The following USP25 variants were observed in gnomAD, a reference collection of about 807,000 sequenced individuals.
USP25 encodes ubiquitin carboxyl-terminal hydrolase 25.
A neutral mutation model predicts 158.5 loss-of-function variants in USP25; 85 were observed. That is an observed-to-expected ratio of 0.54 (90% confidence interval 0.45 to 0.64). The LOEUF is 0.64. Among genes scored for constraint, USP25 ranks in the 30% least tolerant of loss-of-function variants. The pLI is 0.00. For synonymous variants in USP25, 464 were observed against 460.4 expected (o/e 1.01, Z -0.10); for missense variants, 1,242 against 1,327.3 (o/e 0.94, Z 1.00).
intron 20 of USP25, among the ~76,000 whole-genome samples, chr21:15,859,715 G>T (rs191656952): frequency 2.0e-5 from 3 of 152,068 alleles, no homozygotes; most frequent in Non-Finnish European, 4.4e-5. Context: ...ATTATTATCT[G>T]TTGGGATACT....
chr21:15,818,743 A>G lies in USP25; in HGVS notation c.977A>G (p.Gln326Arg), dbSNP rs982735382. 6.2e-7 allele frequency: 1 copy of G among 1,613,414 alleles called. No homozygotes were observed. Among genetic ancestry groups the G allele is most frequent in the Non-Finnish European group, 8.5e-7 (1 of 1,179,588 alleles). Residue 326 changes from glutamine (Q) to arginine (R), a missense_variant, in exon 10 of 26, where the codon CAG becomes CGG. Gln to Arg is a conservative substitution (Grantham distance 43). This residue lies in a region of USP25 where 627 missense variants were observed against 701.4 expected (regional missense o/e 0.89). Transcript: ENST00000400183. ...GAAATGTTTGGTCAGTACCCACTTC[A>G]GGTCAATGGGTTCAAAGATCTGCAT... ...NTEMFGQYPL[Q>R]VNGFKDLHEC...
intron 2 of USP25, among the ~76,000 whole-genome samples, chr21:15,763,481 G>A (rs1485318175): frequency 6.6e-6 from 1 of 152,098 alleles, no homozygotes; most frequent in Non-Finnish European, 1.5e-5. Context: ...CAACTAAAAT[G>A]TATCATTTTG....
intron 4 of USP25, among the ~76,000 whole-genome samples, chr21:15,788,707 CT>C (rs1020170123): frequency 2.0e-5 from 3 of 150,726 alleles, no homozygotes; most frequent in African/African-American, 4.9e-5. Flanking sequence ...CACCTACATG[CT>C]TTTTTTTTGC....
At chr21:15,853,226 G>A (rs190035374) in intron 20 of USP25, among the ~76,000 whole-genome samples, 2 of 151,968 alleles carry the variant, frequency 1.3e-5, no homozygotes, top group East Asian at 1.9e-4. Context: ...TCTATTGTGG[G>A]CTTAAAGTTT....
At chr21:15,803,734 T>C (rs866333574) in intron 6 of USP25, among the ~76,000 whole-genome samples, 4 of 151,956 alleles carry the variant, frequency 2.6e-5, no homozygotes, top group Non-Finnish European at 5.9e-5. Flanking sequence ...AAATTAAGGG[T>C]ACTTTTGAAA....
intron 10 of USP25, among the ~76,000 whole-genome samples, chr21:15,819,546 G>A (rs904107114): frequency 6.6e-6 from 1 of 152,152 alleles, no homozygotes; most frequent in Non-Finnish European, 1.5e-5. Context: ...TAAACTCCAT[G>A]AATGTGGCTA....
chr21:15,858,100 G>A (rs1034436928), intron 20 of USP25, among the ~76,000 whole-genome samples: 5 of 151,906 alleles, frequency 3.3e-5, no homozygotes, highest in African/African-American at 9.7e-5. Flanking sequence ...ATTGTAGATC[G>A]TTTGTAATAC....
chr21:15,745,662 G>C (rs2032487765), intron 1 of USP25, among the ~76,000 whole-genome samples: 1 of 151,850 alleles, frequency 6.6e-6, no homozygotes, highest in Non-Finnish European at 1.5e-5. Flanking sequence ...TTTTAGTAGA[G>C]ACAGGGTTTC....
At chr21:15,743,136 G>T (rs985021635) in intron 1 of USP25, among the ~76,000 whole-genome samples, 20 of 152,222 alleles carry the variant, frequency 1.3e-4, no homozygotes, top group Admixed American at 1.0e-3. Flanking sequence ...GCTGCGCATG[G>T]CTTTGTGAAT....
chr21:15,842,964 T>A (rs1166157470), intron 18 of USP25, among the ~76,000 whole-genome samples: 1 of 152,132 alleles, frequency 6.6e-6, no homozygotes, highest in Non-Finnish European at 1.5e-5. Flanking sequence ...AACTACTAGA[T>A]ACTGTAGATT....
intron 4 of USP25, among the ~76,000 whole-genome samples, chr21:15,783,710 C>G (rs2035101446): frequency 6.6e-6 from 1 of 151,700 alleles, no homozygotes; most frequent in South Asian, 2.1e-4. Flanking sequence ...GTAATCTCAG[C>G]ACTTTGGGAG....
At chr21:15,830,099 C>A (rs992014166) in intron 14 of USP25, among the ~76,000 whole-genome samples, 1 of 151,964 alleles carries the variant, frequency 6.6e-6, no homozygotes, top group Non-Finnish European at 1.5e-5. Context: ...CATGGGAGTG[C>A]CATAATTTTA....
At chr21:15,815,085 G>A (rs1414137747) in intron 9 of USP25, among the ~76,000 whole-genome samples, 1 of 152,198 alleles carries the variant, frequency 6.6e-6, no homozygotes, top group East Asian at 1.9e-4. Context: ...GCTTTTGCTA[G>A]AAGGGGCCAA....
chr21:15,868,157 A>G (rs890759160), intron 22 of USP25, among the ~76,000 whole-genome samples: 3 of 152,176 alleles, frequency 2.0e-5, no homozygotes, highest in Non-Finnish European at 4.4e-5. Flanking sequence ...ATTCATTTCA[A>G]TTGTGAAAGA....
chr21:15,769,894 A>C (rs988995105), intron 3 of USP25, among the ~76,000 whole-genome samples: 12 of 152,166 alleles, frequency 7.9e-5, no homozygotes, highest in Non-Finnish European at 1.8e-4. Context: ...ATATTGACTC[A>C]AGTTTTAGAG....
At chr21:15,751,430 ACT>A (rs2033007516) in intron 1 of USP25, among the ~76,000 whole-genome samples, 1 of 152,216 alleles carries the variant, frequency 6.6e-6, no homozygotes, top group Admixed American at 6.5e-5. Flanking sequence ...TCAGAGTTCT[ACT>A]TAGAGCACGT....
chr21:15,819,295 C>T (rs965299035), intron 10 of USP25, among the ~76,000 whole-genome samples: 5 of 152,192 alleles, frequency 3.3e-5, no homozygotes, highest in Admixed American at 2.0e-4. Context: ...GATGGAAGAA[C>T]TTCCCTTCTC....
chr21:15,824,284 A>G (rs991507475), intron 11 of USP25, 118 bp downstream of exon 11: 27 of 1,138,132 alleles, frequency 2.4e-5, no homozygotes, highest in Non-Finnish European at 3.0e-5. Flanking sequence ...TGCATAATAT[A>G]CCTAATACCA....
chr21:15,754,122 C>T (rs997473815), intron 1 of USP25, among the ~76,000 whole-genome samples: 6 of 151,990 alleles, frequency 3.9e-5, no homozygotes, highest in African/African-American at 7.3e-5. Flanking sequence ...CTCTTGTGTC[C>T]GCAGTTTCTC....
Sources: allele counts gnomAD v4.1 joint callset (sites outside exome capture counted in the v4.1 genomes callset), GRCh38; gene constraint gnomAD v4.1.1; regional missense constraint gnomAD v4.1.1; transcripts MANE v1.5; gene names NCBI Gene and HGNC (gene_info 2026-07-23, HGNC 2026-07-21).